TTC14: variants seen among roughly 807,000 people sequenced by gnomAD.
TTC14 encodes tetratricopeptide repeat protein 14.
In TTC14, 63 loss-of-function variants were observed where a neutral mutation model predicts 79.9. The ratio of observed to expected loss-of-function variants is 0.79; its 90% CI spans 0.64 to 0.97. The LOEUF is 0.97. TTC14 is among the 50% of genes least tolerant of loss of function. The pLI is 0.00. For synonymous variants in TTC14, 335 were observed against 309.6 expected, an observed-to-expected ratio of 1.08 and a Z score of -0.86; for missense variants, 895 against 894.0, an observed-to-expected ratio of 1.00 and a Z score of -0.01.
rs1427396147 is a variant in TTC14, at chr3:180,606,300, C to T, written c.977C>T (p.Ala326Val). ...DYFKVGRHVD[A>V]MNEYNKALEI... ...TTTAAAGTTGGACGCCATGTGGATG[C>T]TATGAATGAATACAATAAAGCTTTG... The change falls in exon 8 of 12, where the codon GCT becomes GTT. Residue 326 changes from alanine to valine, a missense_variant. Physicochemically the swap from Ala to Val is moderately conservative, Grantham distance 64 (BLOSUM62 0). Coordinates refer to ENST00000296015, the MANE Select transcript of TTC14 (RefSeq NM_133462.4). The T allele has an allele frequency of 6.2e-7, 1 of 1,613,944 alleles. No homozygotes were observed. The highest frequency in any genetic ancestry group is 1.7e-5 in the Admixed American group (1 of 59,996).
chr3:180,616,717 T>C, intron 12 of TTC14: 2 of 1,579,316 alleles, frequency 1.3e-6, no homozygotes, highest in Non-Finnish European at 8.6e-7. Context: ...TAATAGTCAA[T>C]TATTCTATAA....
rs779225393 is a variant in TTC14, at chr3:180,610,423, C to G, written c.2194C>G (p.Leu732Val). The G allele has an allele frequency of 1.2e-6, 2 of 1,613,492 alleles. No homozygotes were observed. Among genetic ancestry groups the G allele is most frequent in the African/African-American group, 2.7e-5 (2 of 74,824 alleles). ...IKTEVPEEDA[L>V]SSKEHSESSV... ...AACAGAGGTTCCAGAAGAAGATGCA[C>G]TAAGTAGCAAAGAACACTCAGAAAG... Residue 732 changes from leucine to valine, a missense_variant, in exon 12 of 12, where the codon CTA becomes GTA. Transcript: ENST00000296015.
chr3:180,616,431 T>TA (rs1243636610), intron 12 of TTC14: 1 of 1,507,266 alleles, frequency 6.6e-7, no homozygotes, highest in African/African-American at 1.4e-5. Flanking sequence ...TATTTTTAAT[T>TA]AGCTTTCACT....
intron 1 of TTC14, 104 bp from the exon 2 acceptor site, chr3:180,602,787 C>T: frequency 1.6e-5 from 21 of 1,335,908 alleles, no homozygotes; most frequent in Non-Finnish European, 1.8e-5. Context: ...TTGTCTGCAG[C>T]TTAGGATGGA....
intron 5 of TTC14, 35 bp downstream of exon 5, chr3:180,604,642 TA>T: frequency 1.3e-6 from 2 of 1,579,144 alleles, no homozygotes; most frequent in Non-Finnish European, 1.7e-6. Context: ...AACAGTTCAT[TA>T]CAAAAGTCTC....
downstream of TTC14, chr3:180,613,847 T>A (rs1230532019): frequency 2.2e-6 from 1 of 455,900 alleles, no homozygotes; most frequent in Admixed American, 2.4e-5. Flanking sequence ...TTGACTTTGC[T>A]ATGCCTTTTT....
At chr3:180,605,523 C>T in intron 6 of TTC14, 1 of 331,000 alleles carries the variant, frequency 3.0e-6, no homozygotes, top group Non-Finnish European at 5.5e-6. Context: ...CCTCGTGATC[C>T]ACCCGCCTCG....
At chr3:180,604,372 T>A (rs1304055530) in intron 4 of TTC14, 63 bp downstream of exon 4, 6 of 1,567,894 alleles carry the variant, frequency 3.8e-6, no homozygotes, top group Non-Finnish European at 5.2e-6. Context: ...TTTATTAATT[T>A]AAAAAAATAC....
rs1421866041 is a variant in TTC14 at position 180,611,020 on chromosome 3, TTAAA to T, written c.*481_*484del. 2.9e-5 allele frequency: 27 copies of T among 932,538 alleles called. No individual in the cohort carries two copies. In the African/African-American group the frequency reaches 4.1e-4, roughly 14 times the overall value. 57.8% of individuals were successfully genotyped at this position (932,538 alleles called of 1,614,324 possible). A position where few individuals can be genotyped will look rare whatever the true frequency, so the allele number is the denominator to read the frequency against. On this transcript the variant is annotated 3_prime_UTR_variant, in exon 12 of 12. Transcript: ENST00000296015. Reference sequence around the variant, plus strand: ...CTTGAACACTTTTATATTTATCAGTTTAAATATTACATTTTTTGCCCAATTTTTT... The same window carrying T: ...CTTGAACACTTTTATATTTATCAGTTTATTACATTTTTTGCCCAATTTTTT...
chr3:180,605,915 A>G, intron 7 of TTC14, 78 bp downstream of exon 7: 4 of 1,408,234 alleles, frequency 2.8e-6, no homozygotes, highest in South Asian at 2.6e-5. Flanking sequence ...TTATATCATC[A>G]ATAAGACAAA....
downstream of TTC14, chr3:180,615,122 T>C: frequency 7.1e-7 from 1 of 1,415,450 alleles, no homozygotes; most frequent in Non-Finnish European, 9.5e-7. Context: ...AAGTTTATAT[T>C]TTAGTATAGA....
chr3:180,609,644 G>T lies in TTC14; in HGVS notation c.1415G>T (p.Arg472Ile). The T allele has an allele frequency of 6.4e-7, 1 of 1,557,978 alleles. No individual in the cohort carries two copies. ...GTTTTTTTTAGGCTAAAGAAGAAAA[G>T]AAGAAAATCAACTTCTTCTTCAAGT... ...LKEEKRLKKK[R>I]RKSTSSSSVS... The change falls in exon 12 of 12, where the codon AGA becomes ATA. Residue 472 changes from arginine (R) to isoleucine (I), a missense_variant. By Grantham distance (97) the Arg-to-Ile change is moderately conservative. Coordinates refer to ENST00000296015, the MANE Select transcript of TTC14 (RefSeq NM_133462.4).
At chr3:180,607,890 A>T in intron 10 of TTC14, 125 bp downstream of exon 10, 1 of 1,475,044 alleles carries the variant, frequency 6.8e-7, no homozygotes, top group East Asian at 2.5e-5. Flanking sequence ...CTTTTTAGGT[A>T]TAGTTTTTCC....
chr3:180,604,228 C>T lies in TTC14; in HGVS notation c.490C>T (p.Leu164Phe), dbSNP rs1353395681. 6.2e-7 allele frequency: 1 copy of T among 1,612,468 alleles called. No homozygotes were observed. ...TTTAAAATACTTCTCATTACAGGCT[C>T]TTTGTCCCTTAAGAGATGTGCCTTC... ...RDIAHLEITA[L>F]CPLRDVPSHS... The change falls in exon 4 of 12, where the codon CTT becomes TTT. Residue 164 changes from leucine (L) to phenylalanine (F), a missense_variant. Physicochemically the swap from Leu to Phe is conservative, Grantham distance 22 (BLOSUM62 0). Transcript: ENST00000296015.
downstream of TTC14, chr3:180,611,183 A>G: frequency 1.0e-6 from 1 of 985,098 alleles, no homozygotes; most frequent in South Asian, 4.7e-5. Flanking sequence ...AAAGTTGAAT[A>G]GGAGCCCATT....
In TTC14 at chr3:180,609,767, C is replaced by T; in HGVS notation, c.1538C>T (p.Ser513Phe). The T allele has an allele frequency of 6.2e-7, 1 of 1,613,974 alleles. No homozygotes were observed. The highest frequency in any genetic ancestry group is 8.5e-7 in the Non-Finnish European group (1 of 1,179,928). ...KKHKRNRSES[S>F]RSSRRHSSRA... ...CATAAGAGGAACCGTTCAGAGTCTT[C>T]TCGCAGTTCCAGAAGGCATTCATCT... Residue 513 changes from serine to phenylalanine, a missense_variant, in exon 12 of 12, where the codon TCT becomes TTT. By Grantham distance (155) the Ser-to-Phe change is radical. Coordinates refer to ENST00000296015, the MANE Select transcript of TTC14 (RefSeq NM_133462.4).
chr3:180,603,710 T>C (rs1716515278), intron 3 of TTC14: 3 of 243,988 alleles, frequency 1.2e-5, no homozygotes, highest in Non-Finnish European at 1.6e-5. Context: ...TTCATTTATA[T>C]ATTTACAATA....
At chr3:180,615,128 A>G, downstream of TTC14, 1 of 1,360,074 alleles carries the variant, frequency 7.4e-7, no homozygotes, top group Non-Finnish European at 9.9e-7. Context: ...ATATTTTAGT[A>G]TAGACCCTCT....
At chr3:180,608,394 C>CTTT in intron 10 of TTC14, 35 of 933,394 alleles carry the variant, frequency 3.7e-5, no homozygotes, top group Non-Finnish European at 4.3e-5. Flanking sequence ...TTTTTATGTA[C>CTTT]TTTTTTTTTT....
Sources: gnomAD v4.1 joint callset for allele counts on GRCh38, gnomAD v4.1.1 for gene constraint, MANE v1.5 for transcripts, NCBI Gene and HGNC (gene_info 2026-07-23, HGNC 2026-07-21) for gene names.